Variants in DLG2 observed in about 807,000 individuals in gnomAD.
DLG2 encodes discs large MAGUK scaffold protein 2.
Under a neutral mutation model 132.5 loss-of-function variants are expected in DLG2, and 45 were observed. That is an observed-to-expected ratio of 0.34 (90% CI 0.27 to 0.44). The LOEUF (loss-of-function observed/expected upper bound fraction) is 0.44. DLG2 is among the 20% of genes least tolerant of loss of function. The pLI is 1.00. For synonymous variants in DLG2, 424 were observed against 419.6 expected (o/e 1.01, Z -0.13); for missense variants, 1,045 against 1,196.9 (o/e 0.87, Z 1.87).
chr11:84,515,181 T>A (rs1420616045), intron 7 of DLG2, among the ~76,000 whole-genome samples: 1 of 151,560 alleles, frequency 6.6e-6, no homozygotes, highest in Non-Finnish European at 1.5e-5. Context: ...ATTCATACAA[T>A]GGCAGTGAGG....
intron 15 of DLG2, among the ~76,000 whole-genome samples, chr11:83,914,596 T>C (rs1370745608): frequency 6.6e-6 from 1 of 152,136 alleles, no homozygotes; most frequent in Non-Finnish European, 1.5e-5. Flanking sequence ...TATTATCCTA[T>C]GAGATGGATA....
At chr11:84,648,320 A>G (rs183610614) in intron 6 of DLG2, among the ~76,000 whole-genome samples, 25 of 152,320 alleles carry the variant, frequency 1.6e-4, no homozygotes, top group African/African-American at 5.8e-4. Context: ...ACTAGTGCAA[A>G]GGGCACCTGC....
chr11:84,545,533 C>A, intron 6 of DLG2: 1 of 390,702 alleles, frequency 2.6e-6, no homozygotes, highest in South Asian at 2.2e-5. Context: ...CTAGCCTTCT[C>A]TTGCTTTGAC....
intron 6 of DLG2, among the ~76,000 whole-genome samples, chr11:84,889,819 C>T (rs1227144873): frequency 6.6e-6 from 1 of 152,154 alleles, no homozygotes; most frequent in Non-Finnish European, 1.5e-5. Flanking sequence ...TTTGATACAT[C>T]CATCCTTGAC....
chr11:84,110,899 T>C (rs2093311812), intron 9 of DLG2, among the ~76,000 whole-genome samples: 1 of 152,230 alleles, frequency 6.6e-6, no homozygotes, highest in Admixed American at 6.5e-5. Context: ...CGCCATTTTG[T>C]AAACTGCTCA....
intron 6 of DLG2, among the ~76,000 whole-genome samples, chr11:84,803,587 A>G (rs1479514256): frequency 6.6e-6 from 1 of 152,198 alleles, no homozygotes; most frequent in African/African-American, 2.4e-5. Flanking sequence ...CTACATGACT[A>G]CCCTATGAAA....
rs1780038710 is a variant in DLG2, at chr11:83,617,310, A to G, written c.1940+15901T>C. On this transcript the variant is annotated intron_variant, in intron 19 of 27. Transcript: ENST00000376104. ...AATAAGGTATACCCCACATTTATGC[A>G]TCTTCCTTTAATAACATTTGTGGCT... 3.3e-5 allele frequency among the ~76,000 whole-genome samples: 5 copies of G among 152,286 alleles called. No homozygotes were observed. The South Asian group carries it at 1.0e-3, about 32-fold the overall frequency.
At chr11:85,113,895 T>G (rs1028667173) in intron 5 of DLG2, among the ~76,000 whole-genome samples, 1 of 152,046 alleles carries the variant, frequency 6.6e-6, no homozygotes, top group African/African-American at 2.4e-5. Flanking sequence ...TCTGATATAC[T>G]GATGAGACAT....
At chr11:85,087,763 G>A (rs868065530) in intron 6 of DLG2, among the ~76,000 whole-genome samples, 1 of 148,382 alleles carries the variant, frequency 6.7e-6, no homozygotes, top group Non-Finnish European at 1.5e-5. Flanking sequence ...GCGTGAACCC[G>A]GGAAGCGGAG....
At chr11:84,143,383 CTGAT>C (rs2094937570) in intron 9 of DLG2, among the ~76,000 whole-genome samples, 4 of 152,090 alleles carry the variant, frequency 2.6e-5, no homozygotes, top group Admixed American at 2.6e-4. Context: ...ATCAATAAAT[CTGAT>C]TGGTAATATT....
At chr11:85,224,175 T>TA (rs1228087803) in intron 4 of DLG2, among the ~76,000 whole-genome samples, 1 of 152,166 alleles carries the variant, frequency 6.6e-6, no homozygotes, top group African/African-American at 2.4e-5. Flanking sequence ...ATTATGCTGC[T>TA]AAAAACCTCT....
At chr11:85,627,466 T>A (rs2082091734), upstream of DLG2, 1 of 152,194 alleles carries the variant, frequency 6.6e-6, no homozygotes, top group African/African-American at 2.4e-5. Flanking sequence ...ATTCACATCA[T>A]GCCATCTCTT....
At chr11:84,669,479 G>A (rs1337762730) in intron 6 of DLG2, among the ~76,000 whole-genome samples, 1 of 152,138 alleles carries the variant, frequency 6.6e-6, no homozygotes, top group Non-Finnish European at 1.5e-5. Context: ...CACCTCTGGT[G>A]TTCTACTCAT....
At chr11:83,758,882 T>C (rs2093770761) in intron 18 of DLG2, among the ~76,000 whole-genome samples, 1 of 152,206 alleles carries the variant, frequency 6.6e-6, no homozygotes, top group African/African-American at 2.4e-5. Flanking sequence ...TGTAATATAA[T>C]ATTTTTATGG....
intron 19 of DLG2, among the ~76,000 whole-genome samples, chr11:83,604,705 G>A (rs775438269): frequency 5.9e-5 from 9 of 152,184 alleles, no homozygotes; most frequent in Non-Finnish European, 1.2e-4. Context: ...GTGCCACTCA[G>A]GTGTGGAATT....
chr11:84,867,404 A>T (rs1006974777), intron 6 of DLG2, among the ~76,000 whole-genome samples: 1 of 152,128 alleles, frequency 6.6e-6, no homozygotes, highest in Admixed American at 6.5e-5. Flanking sequence ...CCCACTTTGG[A>T]ATTTCCAGGT....
intron 7 of DLG2, among the ~76,000 whole-genome samples, chr11:84,320,124 C>T (rs1205594354): frequency 6.6e-6 from 1 of 152,192 alleles, no homozygotes; most frequent in Admixed American, 6.5e-5. Context: ...CACAAGTACA[C>T]ATCCTACTTA....
At chr11:84,912,640 T>C (rs1300949569) in intron 6 of DLG2, among the ~76,000 whole-genome samples, 1 of 152,222 alleles carries the variant, frequency 6.6e-6, no homozygotes, top group Non-Finnish European at 1.5e-5. Flanking sequence ...GACTACTTTG[T>C]AAATGGAGAT....
intron 9 of DLG2, among the ~76,000 whole-genome samples, chr11:84,121,904 T>A (rs1002854675): frequency 6.6e-6 from 1 of 152,072 alleles, no homozygotes; most frequent in African/African-American, 2.4e-5. Context: ...ATTTTTCAAA[T>A]TTTATATTTG....
Sources: allele counts gnomAD v4.1 joint callset (sites outside exome capture counted in the v4.1 genomes callset), GRCh38; gene constraint gnomAD v4.1.1; transcripts MANE v1.5; gene names NCBI Gene and HGNC (gene_info 2026-07-23, HGNC 2026-07-21).